The following UMAD1 variants were observed in gnomAD, a reference collection of about 807,000 sequenced individuals.
The protein encoded by UMAD1 is UBAP1-MVB12-associated (UMA)-domain containing protein 1.
UMAD1 carries 8 observed loss-of-function variants against 6.1 expected under a neutral mutation model. That is an observed-to-expected ratio of 1.30 (90% confidence interval 0.76 to 2.35). The LOEUF is 2.35. UMAD1 is among the 30% of genes most tolerant of loss of function. UMAD1 has a pLI of 0.00. For synonymous variants in UMAD1, 56 were observed against 31.4 expected, an observed-to-expected ratio of 1.78 and a Z score of -2.61; for missense variants, 130 against 78.4, an observed-to-expected ratio of 1.66 and a Z score of -2.49.
chr7:7,857,531 G>T lies in UMAD1; in HGVS notation c.157-19750G>T, dbSNP rs536037159. On this transcript the variant is annotated intron_variant, in intron 3 of 3. Transcript: ENST00000682710. The stretch of plus-strand genomic sequence containing the variant: ...TGTTACTGGACAACTGACCACAGAG[G>T]ACTTGTCTCAGGAAGAGTCGTCCTC... Among the ~76,000 whole-genome samples, 85 of 152,326 alleles carry T rather than the reference G, an allele frequency of 5.6e-4. 1 individual carries two copies. The South Asian group carries it at 9.3e-3, about 17-fold the overall frequency.
chr7:7,647,180 T>G (rs531011815), intron 1 of UMAD1, among the ~76,000 whole-genome samples: 7 of 152,360 alleles, frequency 4.6e-5, no homozygotes, highest in Middle Eastern at 3.4e-3. Flanking sequence ...CCCACAAGTT[T>G]TTATAAGCAG....
At chr7:7,847,330 G>GTA (rs140752440) in intron 3 of UMAD1, among the ~76,000 whole-genome samples, 3,966 of 147,404 alleles carry the variant, frequency 0.027, 163 homozygotes, top group African/African-American at 0.089. Context: ...ATAGCTTTGT[G>GTA]TATATATATA....
chr7:7,874,972 C>G (rs1178209915), intron 3 of UMAD1, among the ~76,000 whole-genome samples: 2 of 152,108 alleles, frequency 1.3e-5, no homozygotes, highest in South Asian at 4.1e-4. Context: ...CGGGGTTTCT[C>G]CATGTTGGTC....
At chr7:7,703,069 T>C (rs1780503096) in intron 2 of UMAD1, among the ~76,000 whole-genome samples, 1 of 152,224 alleles carries the variant, frequency 6.6e-6, no homozygotes, top group Admixed American at 6.5e-5. Context: ...CTGAGTTTAC[T>C]GCCTGCTTTT....
intron 2 of UMAD1, among the ~76,000 whole-genome samples, chr7:7,746,072 C>A (rs1302788381): frequency 6.6e-6 from 1 of 152,176 alleles, no homozygotes; most frequent in African/African-American, 2.4e-5. Flanking sequence ...TTTCCTCTCC[C>A]ATTAGCATAG....
intron 2 of UMAD1, among the ~76,000 whole-genome samples, chr7:7,788,947 T>TAATA (rs951420040): frequency 1.3e-5 from 2 of 152,214 alleles, no homozygotes; most frequent in African/African-American, 4.8e-5. Flanking sequence ...ATCTGTTGCC[T>TAATA]AATACTTTAT....
intron 1 of UMAD1, among the ~76,000 whole-genome samples, chr7:7,647,366 A>G (rs1427803048): frequency 6.6e-6 from 1 of 152,200 alleles, no homozygotes; most frequent in Non-Finnish European, 1.5e-5. Context: ...ATATGAGACT[A>G]ATTCTTTGAA....
At chr7:7,750,554 C>T (rs548355398) in intron 2 of UMAD1, among the ~76,000 whole-genome samples, 15 of 152,234 alleles carry the variant, frequency 9.9e-5, no homozygotes, top group South Asian at 6.2e-4. Flanking sequence ...ATATTATACA[C>T]GGTTTCATAT....
intron 1 of UMAD1, among the ~76,000 whole-genome samples, chr7:7,670,020 G>T (rs1459501691): frequency 6.6e-6 from 1 of 152,162 alleles, no homozygotes; most frequent in East Asian, 1.9e-4. Flanking sequence ...CTATGTAACA[G>T]ACTGCTGCAG....
At chr7:7,864,047 TAGGGGTGAG>T (rs1784178011) in intron 3 of UMAD1, among the ~76,000 whole-genome samples, 1 of 152,240 alleles carries the variant, frequency 6.6e-6, no homozygotes, top group Non-Finnish European at 1.5e-5. Flanking sequence ...TCCTGAGTAA[TAGGGGTGAG>T]AGGAGCATCT....
intron 2 of UMAD1, among the ~76,000 whole-genome samples, chr7:7,718,846 C>G (rs567747051): frequency 2.0e-4 from 31 of 151,760 alleles, no homozygotes; most frequent in African/African-American, 7.0e-4. Flanking sequence ...AAAAAGAAAC[C>G]TCTTTAAATT....
chr7:7,865,119 T>C (rs1197050213), intron 3 of UMAD1, among the ~76,000 whole-genome samples: 1 of 152,168 alleles, frequency 6.6e-6, no homozygotes, highest in Non-Finnish European at 1.5e-5. Context: ...AAAATTGTTT[T>C]TCTGGGTTTT....
intron 1 of UMAD1, among the ~76,000 whole-genome samples, chr7:7,666,145 T>G (rs548766342): frequency 1.6e-4 from 24 of 152,270 alleles, no homozygotes; most frequent in Admixed American, 3.3e-4. Flanking sequence ...TTCCAGTTGC[T>G]CCATATCTTT....
chr7:7,666,465 C>T (rs1779459393), intron 1 of UMAD1, among the ~76,000 whole-genome samples: 1 of 152,090 alleles, frequency 6.6e-6, no homozygotes, highest in Admixed American at 6.5e-5. Context: ...ACCTCAGCCT[C>T]CCAAAGTACT....
chr7:7,865,260 G>A (rs188054012), intron 3 of UMAD1, among the ~76,000 whole-genome samples: 3 of 152,350 alleles, frequency 2.0e-5, no homozygotes, highest in African/African-American at 7.2e-5. Context: ...AGCCTTGTGA[G>A]ACTGATCCCT....
At chr7:7,718,647 A>T (rs1051257100) in intron 2 of UMAD1, 7 of 152,000 alleles carry the variant, frequency 4.6e-5, no homozygotes, top group African/African-American at 1.7e-4. Flanking sequence ...TTTTTCTTTT[A>T]TTTTAAAGTT....
chr7:7,801,578 T>TA (rs1782799370), intron 2 of UMAD1, 92 bp from the exon 3 acceptor site: 1 of 645,794 alleles, frequency 1.5e-6, no homozygotes, highest in Non-Finnish European at 2.8e-6. Flanking sequence ...GTGAAACATA[T>TA]AATAACAAAA....
intron 2 of UMAD1, among the ~76,000 whole-genome samples, chr7:7,720,112 TCA>T (rs1178682437): frequency 6.6e-6 from 1 of 152,226 alleles, no homozygotes; most frequent in African/African-American, 2.4e-5. Context: ...TAAAATACAG[TCA>T]CAAGTATTAT....
At chr7:7,783,008 C>T (rs1057210062) in intron 2 of UMAD1, among the ~76,000 whole-genome samples, 5 of 152,216 alleles carry the variant, frequency 3.3e-5, no homozygotes, top group Admixed American at 1.3e-4. Flanking sequence ...ACTGGGATTA[C>T]AGGCATGAGG....
Sources: allele counts gnomAD v4.1 joint callset (sites outside exome capture counted in the v4.1 genomes callset), GRCh38; gene constraint gnomAD v4.1.1; transcripts MANE v1.5; gene names NCBI Gene and HGNC (gene_info 2026-07-23, HGNC 2026-07-21).